EXOSC9: variants seen among roughly 807,000 people sequenced by gnomAD.
The protein encoded by EXOSC9 is exosome component 9.
In EXOSC9, 38 loss-of-function variants were observed where a neutral mutation model predicts 56.5. That is an observed-to-expected ratio of 0.67 (90% CI 0.52 to 0.88). EXOSC9 has a LOEUF of 0.88. Among genes scored for constraint, EXOSC9 ranks in the 40% least tolerant of loss-of-function variants. The pLI, the probability that EXOSC9 is intolerant of heterozygous loss-of-function variation, is 0.00. For missense variants in EXOSC9, 559 were observed against 530.5 expected, an observed-to-expected ratio of 1.05 and a Z score of -0.53; for synonymous variants, 170 against 170.8, an observed-to-expected ratio of 0.99 and a Z score of 0.04.
chr4:121,807,574 G>T lies in EXOSC9; in HGVS notation c.557G>T (p.Ser186Ile). 2 of 1,613,516 alleles carry T rather than the reference G, an allele frequency of 1.2e-6. No homozygotes were observed. Among genetic ancestry groups the T allele is most frequent in the Non-Finnish European group, 1.7e-6 (2 of 1,179,508 alleles). The stretch of plus-strand genomic sequence containing the variant: ...GAAGAGCGTGATCCTGTACCATTAA[G>T]TATCCACCACATGCCCATTTGTGTC... The part of the protein sequence containing the change: ...TPEERDPVPL[S>I]IHHMPICVSF... The change falls in exon 6 of 12, where the codon AGT (serine) becomes ATT (isoleucine). Residue 186 changes from serine to isoleucine, a missense_variant. Transcript: ENST00000243498.
In EXOSC9 at chr4:121,809,991, T is replaced by C; in HGVS notation, c.630T>C (p.Asn210=). Reference sequence around the variant, plus strand: ...GAACATATTTATTGGTGGATCCCAATGAACGAGAAGAACGTGTGATGGATG... The same window carrying C: ...GAACATATTTATTGGTGGATCCCAACGAACGAGAAGAACGTGTGATGGATG... ...QQGTYLLVDP[N]EREERVMDGL... is the part of the protein sequence containing the mutation. The change falls in exon 7 of 12, where the codon AAT becomes AAC. Residue 210 remains asparagine, a synonymous_variant. Transcript: ENST00000243498. 6.2e-7 allele frequency: 1 copy of C among 1,614,134 alleles called. No homozygotes were observed. Among genetic ancestry groups the C allele is most frequent in the Non-Finnish European group, 8.5e-7 (1 of 1,179,978 alleles).
chr4:121,809,501 G>A (rs1727143179), intron 6 of EXOSC9, among the ~76,000 whole-genome samples: 1 of 151,912 alleles, frequency 6.6e-6, no homozygotes, highest in Non-Finnish European at 1.5e-5. Context: ...CATTTCAAGG[G>A]CTCAGTAACC....
At chr4:121,811,436 T>A (rs192598325) in intron 7 of EXOSC9, 147 bp from the exon 8 acceptor site, 8 of 463,524 alleles carry the variant, frequency 1.7e-5, no homozygotes, top group Non-Finnish European at 3.1e-5. Flanking sequence ...CTTTCACATC[T>A]TGCCTTAATC....
chr4:121,801,860 A>C lies in EXOSC9; in HGVS notation c.100A>C (p.Asn34His). 6.2e-7 allele frequency: 1 copy of C among 1,614,016 alleles called. No individual in the cohort carries two copies. The highest frequency in any genetic ancestry group is 8.5e-7 in the Non-Finnish European group (1 of 1,179,872). Reference sequence around the variant, plus strand: ...TGGCAGACAAACCTATGATTATAGGAACATCAGGATCTCATTTGGAACAGA... The same window carrying C: ...TGGCAGACAAACCTATGATTATAGGCACATCAGGATCTCATTTGGAACAGA... ...LDGRQTYDYR[N>H]IRISFGTDYG... Residue 34 changes from asparagine to histidine, a missense_variant, in exon 2 of 12, where the codon AAC (asparagine) becomes CAC (histidine). Physicochemically the swap from Asn to His is moderately conservative, Grantham distance 68 (BLOSUM62 1). Transcript: ENST00000243498.
intron 7 of EXOSC9, 136 bp downstream of exon 7, chr4:121,810,235 T>G (rs1727173099): frequency 3.9e-6 from 3 of 771,280 alleles, no homozygotes; most frequent in South Asian, 1.7e-5. Flanking sequence ...GTTTCAGTAC[T>G]GTCACTATTA....
At chr4:121,809,846 G>A (rs772478863) in intron 6 of EXOSC9, 121 bp from the exon 7 acceptor site, 402 of 1,125,706 alleles carry the variant, frequency 3.6e-4, no homozygotes, top group Non-Finnish European at 1.0e-4. Context: ...ACCCAAATCC[G>A]TAGGCTCAGA....
rs1008361711 is a variant in EXOSC9 at position 121,815,433 on chromosome 4, C to G, written c.1157-936C>G. 5 of 984,856 alleles carry G rather than the reference C, an allele frequency of 5.1e-6. No individual in the cohort carries two copies. In the African/African-American group the frequency reaches 8.7e-5, roughly 17 times the overall value. 61.0% of individuals were successfully genotyped at this position (984,856 alleles called of 1,614,324 possible). A position where few individuals can be genotyped will look rare whatever the true frequency, so the allele number is the denominator to read the frequency against. On this transcript the variant is annotated intron_variant, in intron 10 of 11. Transcript: ENST00000243498. ...CATTGGAAAAATGGAGCAGGTACAG[C>G]CTTCCTAAAGCATGTGAACAAAGGG...
intron 3 of EXOSC9, 58 bp downstream of exon 3, chr4:121,802,851 CTTT>C: frequency 6.2e-7 from 1 of 1,611,712 alleles, no homozygotes; most frequent in Non-Finnish European, 8.5e-7. Context: ...CAGCAGTGAG[CTTT>C]TGTTTTAATA....
intron 10 of EXOSC9, chr4:121,816,106 C>T: frequency 1.6e-6 from 1 of 639,484 alleles, no homozygotes; most frequent in Non-Finnish European, 2.6e-6. Context: ...CAAGCACATG[C>T]CACCACGCCT....
intron 1 of EXOSC9, 166 bp downstream of exon 1, chr4:121,801,656 G>C: frequency 1.3e-6 from 1 of 790,208 alleles, no homozygotes; most frequent in Non-Finnish European, 2.1e-6. Flanking sequence ...TTCTTTTCAA[G>C]GCTCCAGTCA....
chr4:121,813,450 G>A, intron 9 of EXOSC9, 70 bp downstream of exon 9: 1 of 1,363,088 alleles, frequency 7.3e-7, no homozygotes, highest in Non-Finnish European at 1.0e-6. Flanking sequence ...TAGGCTATAT[G>A]AAGGATGTGT....
At position 121,807,543 on chromosome 4, in the gene EXOSC9, A is replaced by G. The variant is rs764890891; in HGVS notation, c.526A>G (p.Thr176Ala). Residue 176 changes from threonine to alanine, a missense_variant, in exon 6 of 12, where the codon ACA becomes GCA. By Grantham distance (58) the Thr-to-Ala change is moderately conservative. Coordinates refer to ENST00000243498, the MANE Select transcript of EXOSC9 (RefSeq NM_005033.3). ...SVQGDEVTLYTPEERDPVPLS... is the reference protein window; with the variant it reads ...SVQGDEVTLYAPEERDPVPLS... ...TAAACATTTTCTTTTGAAACAGTAT[A>G]CACCTGAAGAGCGTGATCCTGTACC... 2 of 1,601,964 alleles carry G rather than the reference A, an allele frequency of 1.2e-6. No homozygotes were observed. Among genetic ancestry groups the G allele is most frequent in the Non-Finnish European group, 1.7e-6 (2 of 1,169,624 alleles).
In EXOSC9 at chr4:121,804,821, AG is replaced by A. The variant is rs1476121460; in HGVS notation, c.522+64del. 3 of 1,389,760 alleles carry A rather than the reference AG, an allele frequency of 2.2e-6. No homozygotes were observed. In the African/African-American group the frequency reaches 4.3e-5, roughly 20 times the overall value. The allele number at this position is 1,389,760 out of a possible 1,614,324, so 86.1% of individuals were successfully genotyped here. ...TGAATGAGGAGGGTCTTAAATGTGC[AG>A]GCAACTTGTTTTTAGTGAAGTTATG... On this transcript the variant is annotated intron_variant, in intron 5 of 11. Coordinates refer to ENST00000243498, the MANE Select transcript of EXOSC9 (RefSeq NM_005033.3).
intron 8 of EXOSC9, among the ~76,000 whole-genome samples, chr4:121,812,999 G>A (rs1724297000): frequency 6.6e-6 from 1 of 152,114 alleles, no homozygotes; most frequent in Non-Finnish European, 1.5e-5. Context: ...TTAGAGAATA[G>A]TATATTTTAA....
At chr4:121,801,517 G>A in intron 1 of EXOSC9, 27 bp downstream of exon 1, 2 of 1,610,768 alleles carry the variant, frequency 1.2e-6, no homozygotes, top group Non-Finnish European at 1.7e-6. Flanking sequence ...GCAGAATTGC[G>A]CGCTGCGTGG....
intron 6 of EXOSC9, among the ~76,000 whole-genome samples, chr4:121,808,683 C>CTT (rs79076139): frequency 7.2e-6 from 1 of 139,288 alleles, no homozygotes; most frequent in African/African-American, 2.7e-5. Flanking sequence ...CTTTTCTTTT[C>CTT]TTTTTTTTTT....
At position 121,816,923 on chromosome 4, in the gene EXOSC9, G is replaced by C; in HGVS notation, c.*67G>C. On this transcript the variant is annotated 3_prime_UTR_variant, in exon 12 of 12. Coordinates refer to ENST00000243498, the MANE Select transcript of EXOSC9 (RefSeq NM_005033.3). The stretch of plus-strand genomic sequence containing the variant: ...ATATTTATTCCATTCTGAGAACCCT[G>C]GGTATTTTTTATTCACAAATCCATT... 7.4e-7 allele frequency: 1 copy of C among 1,359,156 alleles called. No homozygotes were observed. The highest frequency in any genetic ancestry group is 9.7e-7 in the Non-Finnish European group (1 of 1,028,218). The allele number at this position is 1,359,156 out of a possible 1,614,324, so 84.2% of individuals were successfully genotyped here. A position where few individuals can be genotyped will look rare whatever the true frequency, so the allele number is the denominator to read the frequency against.
In EXOSC9 at chr4:121,802,827, A is replaced by G. The variant is rs372882070; in HGVS notation, c.281+34A>G. 337 of 1,613,224 alleles carry G rather than the reference A, an allele frequency of 2.1e-4. 1 individual carries two copies. Among genetic ancestry groups the G allele is most frequent in the Non-Finnish European group, 2.8e-4 (326 of 1,179,774 alleles). On this transcript the variant is annotated intron_variant, in intron 3 of 11. Coordinates refer to ENST00000243498, the MANE Select transcript of EXOSC9 (RefSeq NM_005033.3). ...ATCTTTTTCTTAAGTTGCTTTAGTC[A>G]TAGGAGAACCTAACAGCAGTGAGCT...
At chr4:121,801,697 C>G in intron 1 of EXOSC9, 130 bp from the exon 2 acceptor site, 2 of 856,894 alleles carry the variant, frequency 2.3e-6, no homozygotes, top group Non-Finnish European at 1.9e-6. Flanking sequence ...GTAGTTTCCA[C>G]TTTCCTGTAT....
Sources: gnomAD v4.1 joint callset for allele counts (sites outside exome capture counted in the v4.1 genomes callset) on GRCh38, gnomAD v4.1.1 for gene constraint, MANE v1.5 for transcripts, NCBI Gene and HGNC (gene_info 2026-07-23, HGNC 2026-07-21) for gene names.